The following RARB variants were observed in gnomAD, a reference collection of about 807,000 sequenced individuals.
RARB encodes HBV-activated protein.
In RARB, 17 loss-of-function variants were observed where a neutral mutation model predicts 51.9. The ratio of observed to expected loss-of-function variants is 0.33; its 90% CI spans 0.22 to 0.49. The LOEUF (loss-of-function observed/expected upper bound fraction) is 0.49, where lower values mean the gene tolerates loss of function less well. Ranked by LOEUF, RARB falls within the 20% of genes least tolerant of loss-of-function variation. The probability of loss-of-function intolerance (pLI) is 0.99; values close to 1 mark genes in which losing one functional copy is unlikely to be tolerated. For missense variants in RARB, 369 were observed against 550.8 expected (o/e 0.67, Z 3.30); for synonymous variants, 215 against 195.4 (o/e 1.10, Z -0.84).
chr3:24,942,019 G>C (rs1695678569), intron 2 of RARB, among the ~76,000 whole-genome samples: 1 of 152,190 alleles, frequency 6.6e-6, no homozygotes, highest in African/African-American at 2.4e-5. Context: ...GCACAGAAAT[G>C]ATTTGGCCAT....
At chr3:25,002,545 G>A (rs969558815) in intron 2 of RARB, among the ~76,000 whole-genome samples, 2 of 152,082 alleles carry the variant, frequency 1.3e-5, no homozygotes, top group Non-Finnish European at 2.9e-5. Context: ...AAAATTAATT[G>A]TTTTTAGACT....
intron 2 of RARB, among the ~76,000 whole-genome samples, chr3:25,484,581 A>G (rs1030242583): frequency 2.0e-5 from 3 of 152,168 alleles, no homozygotes; most frequent in African/African-American, 7.2e-5. Flanking sequence ...ATGCTTGAAA[A>G]AAAAATTAAT....
intron 2 of RARB, among the ~76,000 whole-genome samples, chr3:24,909,258 T>C (rs1025367370): frequency 6.6e-6 from 1 of 152,200 alleles, no homozygotes; most frequent in Non-Finnish European, 1.5e-5. Flanking sequence ...AGGGCACTTA[T>C]CCATTCATTC....
intron 5 of RARB, among the ~76,000 whole-genome samples, chr3:25,405,983 C>G (rs1236319255): frequency 6.6e-6 from 1 of 152,116 alleles, no homozygotes; most frequent in African/African-American, 2.4e-5. Context: ...AGCAATAATA[C>G]TGTGGTCACT....
intron 5 of RARB, among the ~76,000 whole-genome samples, chr3:25,263,244 C>G (rs1464759393): frequency 1.3e-5 from 2 of 151,998 alleles, no homozygotes; most frequent in Non-Finnish European, 2.9e-5. Context: ...CTTATCAGAC[C>G]TTTTTCTTGG....
At chr3:25,199,202 A>G (rs1055412104) in intron 5 of RARB, among the ~76,000 whole-genome samples, 4 of 152,090 alleles carry the variant, frequency 2.6e-5, no homozygotes, top group Admixed American at 2.0e-4. Flanking sequence ...GCACAGAAAG[A>G]TAAACATCAC....
At chr3:25,237,800 C>T (rs938815714) in intron 5 of RARB, among the ~76,000 whole-genome samples, 1 of 152,092 alleles carries the variant, frequency 6.6e-6, no homozygotes, top group African/African-American at 2.4e-5. Context: ...ATGCCAAAAC[C>T]GCAATTACTT....
intron 3 of RARB, among the ~76,000 whole-genome samples, chr3:25,564,894 A>T (rs1344075591): frequency 6.6e-6 from 1 of 152,182 alleles, no homozygotes; most frequent in African/African-American, 2.4e-5. Context: ...TCAGAGTGAA[A>T]GAAGAGGTCC....
At chr3:24,888,385 C>G (rs1018481426) in intron 2 of RARB, among the ~76,000 whole-genome samples, 1 of 152,158 alleles carries the variant, frequency 6.6e-6, no homozygotes, top group South Asian at 2.1e-4. Flanking sequence ...GGATTTGAAC[C>G]TAGCCAGTTA....
At chr3:25,321,073 G>A (rs752355250) in intron 5 of RARB, among the ~76,000 whole-genome samples, 11 of 152,124 alleles carry the variant, frequency 7.2e-5, no homozygotes, top group Non-Finnish European at 1.5e-4. Flanking sequence ...GTATAACCCC[G>A]GTGTGGAACT....
intron 5 of RARB, among the ~76,000 whole-genome samples, chr3:25,249,918 G>T (rs1305764243): frequency 6.6e-6 from 1 of 152,178 alleles, no homozygotes; most frequent in African/African-American, 2.4e-5. Flanking sequence ...GCCAGGTCCT[G>T]TTGGGCCAAT....
At chr3:25,162,646 T>C (rs1700491348) in intron 4 of RARB, among the ~76,000 whole-genome samples, 1 of 152,252 alleles carries the variant, frequency 6.6e-6, no homozygotes, top group African/African-American at 2.4e-5. Context: ...TTGCCTATTT[T>C]AGACATTTCA....
At position 25,031,914 on chromosome 3, in the gene RARB, A is replaced by G. The variant is rs1441425279; in HGVS notation, c.-379-28211A>G. Among the ~76,000 whole-genome samples, 7 of 152,216 alleles carry G rather than the reference A, an allele frequency of 4.6e-5. No individual in the cohort carries two copies. The East Asian group carries it at 1.3e-3, about 29-fold the overall frequency. ...ACCTGAATAGAATCCACATCAGGAA[A>G]AATACATTAAGAAAGTTCATAAATT... On this transcript the variant is annotated intron_variant, in intron 2 of 11. Transcript: ENST00000383772.
chr3:25,057,563 C>T (rs116018455), intron 2 of RARB, among the ~76,000 whole-genome samples: 1,723 of 152,030 alleles, frequency 0.011, 27 homozygotes, highest in African/African-American at 0.039. Flanking sequence ...ACTTTGAATC[C>T]AATTTTTGCT....
intron 2 of RARB, among the ~76,000 whole-genome samples, chr3:24,871,963 C>T (rs770074860): frequency 5.3e-5 from 8 of 152,160 alleles, no homozygotes; most frequent in Non-Finnish European, 1.0e-4. Context: ...GTCTGATCCA[C>T]GGTCATCTCT....
chr3:25,365,873 G>C (rs1265370415), intron 5 of RARB, among the ~76,000 whole-genome samples: 1 of 152,156 alleles, frequency 6.6e-6, no homozygotes, highest in East Asian at 1.9e-4. Context: ...CCTAATGTCA[G>C]CAATCACATG....
chr3:25,185,145 G>C (rs1409416874), intron 5 of RARB, among the ~76,000 whole-genome samples: 1 of 152,070 alleles, frequency 6.6e-6, no homozygotes, highest in Admixed American at 6.6e-5. Flanking sequence ...ACCCTGCCAA[G>C]ATATATTTTT....
chr3:25,359,406 AT>A (rs1299223040), intron 5 of RARB, among the ~76,000 whole-genome samples: 6 of 149,140 alleles, frequency 4.0e-5, no homozygotes, highest in East Asian at 3.9e-4. Context: ...TATTTTGTTA[AT>A]TTTTTAAAAA....
intron 2 of RARB, among the ~76,000 whole-genome samples, chr3:24,894,019 C>A (rs1703434827): frequency 6.6e-6 from 1 of 150,442 alleles, no homozygotes; most frequent in Admixed American, 6.6e-5. Context: ...AATAACTGAA[C>A]AGAAAGAGAT....
Sources: allele counts gnomAD v4.1 joint callset (sites outside exome capture counted in the v4.1 genomes callset), GRCh38; gene constraint gnomAD v4.1.1; transcripts MANE v1.5; gene names NCBI Gene and HGNC (gene_info 2026-07-23, HGNC 2026-07-21).